Variants in ARHGAP42 observed in about 807,000 individuals in gnomAD.
The protein encoded by ARHGAP42 is Rho GTPase activating protein 42.
ARHGAP42 carries 63 observed loss-of-function variants against 125.0 expected under a neutral mutation model. The ratio of observed to expected loss-of-function variants is 0.50; its 90% CI spans 0.41 to 0.62. The LOEUF is 0.62. Among genes scored for constraint, ARHGAP42 ranks in the 20% least tolerant of loss-of-function variants. The pLI, the probability that ARHGAP42 is intolerant of heterozygous loss-of-function variation, is 0.00. For synonymous variants in ARHGAP42, 339 were observed against 351.0 expected (o/e 0.97, Z 0.38); for missense variants, 766 against 1,024.2 (o/e 0.75, Z 3.44).
At position 100,711,863 on chromosome 11, in the gene ARHGAP42, A is replaced by G. The variant is rs7128130; in HGVS notation, c.154+24031A>G. ...CTTTACCAGGAGTCAAAGAAATGCA[A>G]ATGAATATGAGAGTAAGGTAAATTG... On this transcript the variant is annotated intron_variant, in intron 1 of 23. Coordinates refer to ENST00000298815, the MANE Select transcript of ARHGAP42 (RefSeq NM_152432.4). Among the ~76,000 whole-genome samples, 1,007 of 152,130 alleles carry G rather than the reference A, an allele frequency of 6.6e-3. 9 individuals are homozygous for G. The highest frequency in any genetic ancestry group is 0.023 in the African/African-American group (962 of 41,352).
chr11:100,801,388 A>G (rs1863848254), intron 3 of ARHGAP42, among the ~76,000 whole-genome samples: 1 of 152,170 alleles, frequency 6.6e-6, no homozygotes. Context: ...AGTCTTCAGT[A>G]TGTTGAAACA....
chr11:100,894,608 G>C (rs1420740898), intron 4 of ARHGAP42, among the ~76,000 whole-genome samples: 1 of 152,176 alleles, frequency 6.6e-6, no homozygotes, highest in African/African-American at 2.4e-5. Context: ...CTACCAAGCT[G>C]ACAATTTTTA....
intron 6 of ARHGAP42, among the ~76,000 whole-genome samples, chr11:100,923,878 G>T (rs757061183): frequency 6.6e-6 from 1 of 152,078 alleles, no homozygotes; most frequent in Non-Finnish European, 1.5e-5. Flanking sequence ...CTCATCCATG[G>T]AGTTGTACTT....
intron 3 of ARHGAP42, among the ~76,000 whole-genome samples, chr11:100,846,497 T>C (rs545115290): frequency 7.6e-4 from 116 of 152,276 alleles, no homozygotes; most frequent in Non-Finnish European, 1.4e-3. Context: ...CCATATTCTT[T>C]CTCCACCTCC....
chr11:100,814,324 C>G (rs550169387), intron 3 of ARHGAP42, among the ~76,000 whole-genome samples: 1 of 146,686 alleles, frequency 6.8e-6, no homozygotes, highest in African/African-American at 2.5e-5. Flanking sequence ...GATCACACCA[C>G]TGCACTCCAA....
intron 3 of ARHGAP42, among the ~76,000 whole-genome samples, chr11:100,858,124 T>TGTGTTTGTGTG (rs60412762): frequency 6.6e-6 from 1 of 150,728 alleles, no homozygotes; most frequent in Non-Finnish European, 1.5e-5. Flanking sequence ...TGTGTGTGTG[T>TGTGTTTGTGTG]TTATGTAATT....
chr11:100,805,157 C>G (rs974608574), intron 3 of ARHGAP42, among the ~76,000 whole-genome samples: 7 of 152,130 alleles, frequency 4.6e-5, no homozygotes, highest in African/African-American at 1.7e-4. Context: ...ATTAATATAG[C>G]CATTTCAAAG....
intron 23 of ARHGAP42, 97 bp from the exon 24 acceptor site, chr11:100,988,616 A>G (rs1294080424): frequency 3.2e-6 from 3 of 951,338 alleles, no homozygotes; most frequent in Non-Finnish European, 4.7e-6. Context: ...ACAGATACTG[A>G]GGACTGACAA....
intron 4 of ARHGAP42, among the ~76,000 whole-genome samples, chr11:100,908,272 T>C (rs574560305): frequency 1.3e-5 from 2 of 152,350 alleles, no homozygotes; most frequent in African/African-American, 4.8e-5. Context: ...GGTACTTGCT[T>C]GTCATCAGTG....
chr11:100,720,220 A>G (rs1446584269), intron 1 of ARHGAP42, among the ~76,000 whole-genome samples: 1 of 152,170 alleles, frequency 6.6e-6, no homozygotes, highest in Non-Finnish European at 1.5e-5. Context: ...CCTTAATTCA[A>G]TTCAGCAGCC....
intron 2 of ARHGAP42, among the ~76,000 whole-genome samples, chr11:100,770,857 G>T (rs909595234): frequency 3.2e-4 from 48 of 152,246 alleles, no homozygotes; most frequent in Admixed American, 1.2e-3. Flanking sequence ...GGGATTACTG[G>T]CGTGAGCCAC....
chr11:100,924,259 A>G (rs1204123553), intron 6 of ARHGAP42, among the ~76,000 whole-genome samples: 1 of 152,108 alleles, frequency 6.6e-6, no homozygotes, highest in Admixed American at 6.5e-5. Context: ...GATTCATGAA[A>G]TAATATTCTT....
At chr11:100,951,798 G>A (rs772839300) in intron 12 of ARHGAP42, among the ~76,000 whole-genome samples, 2 of 152,120 alleles carry the variant, frequency 1.3e-5, no homozygotes, top group Non-Finnish European at 2.9e-5. Context: ...CAGAAAAATA[G>A]CAGTGCTAGA....
At chr11:100,794,116 A>G (rs1015481587) in intron 2 of ARHGAP42, among the ~76,000 whole-genome samples, 1 of 137,468 alleles carries the variant, frequency 7.3e-6, no homozygotes, top group Non-Finnish European at 1.6e-5. Flanking sequence ...AAAAAAAGAC[A>G]TAGAAGAGGT....
chr11:100,970,710 C>T lies in ARHGAP42; in HGVS notation c.1551-2465C>T, dbSNP rs373326382. Among the ~76,000 whole-genome samples the T allele has an allele frequency of 3.3e-5, 5 of 152,236 alleles. No homozygotes were observed. The East Asian group carries it at 5.8e-4, about 18-fold the overall frequency. Reference sequence around the variant, plus strand: ...TTTTCTGTTCTTATGGACTCTACCCCCTCTGGGTAAAATCTTTGACCCATT... The same window carrying T: ...TTTTCTGTTCTTATGGACTCTACCCTCTCTGGGTAAAATCTTTGACCCATT... On this transcript the variant is annotated intron_variant, in intron 17 of 23. Transcript: ENST00000298815.
chr11:100,902,514 A>G (rs1160792296), intron 4 of ARHGAP42, among the ~76,000 whole-genome samples: 1 of 152,252 alleles, frequency 6.6e-6, no homozygotes, highest in Non-Finnish European at 1.5e-5. Flanking sequence ...CAGAGATAAC[A>G]TACTCAATAA....
At position 100,748,216 on chromosome 11, in the gene ARHGAP42, A is replaced by G. The variant is rs191911284; in HGVS notation, c.155-22127A>G. Among the ~76,000 whole-genome samples the G allele has an allele frequency of 3.2e-3, 495 of 152,370 alleles. 4 individuals carry two copies. The highest frequency in any genetic ancestry group is 0.011 in the African/African-American group (474 of 41,592). ...CCATATTAATTTAGGATTGGTACAG[A>G]TGGCTCCTTCCTGATTCTATAAGTA... On this transcript the variant is annotated intron_variant, in intron 1 of 23. Coordinates refer to ENST00000298815, the MANE Select transcript of ARHGAP42 (RefSeq NM_152432.4).
chr11:100,819,713 A>T (rs925024152), intron 3 of ARHGAP42, among the ~76,000 whole-genome samples: 1 of 152,162 alleles, frequency 6.6e-6, no homozygotes, highest in Admixed American at 6.5e-5. Flanking sequence ...AGCTCTTAGA[A>T]CACTGCCTGC....
chr11:100,977,008 G>A (rs1858410882), intron 21 of ARHGAP42, 37 bp downstream of exon 21: 1 of 1,548,074 alleles, frequency 6.5e-7, no homozygotes, highest in Non-Finnish European at 8.7e-7. Flanking sequence ...TGTCTCCCAG[G>A]GATACAGAGA....
Sources: gnomAD v4.1 joint callset for allele counts (sites outside exome capture counted in the v4.1 genomes callset) on GRCh38, gnomAD v4.1.1 for gene constraint, MANE v1.5 for transcripts, NCBI Gene and HGNC (gene_info 2026-07-23, HGNC 2026-07-21) for gene names.